The following RPH3AL variants were observed in gnomAD, a reference collection of about 807,000 sequenced individuals.
RPH3AL encodes rab effector Noc2.
Under a neutral mutation model 43.1 loss-of-function variants are expected in RPH3AL, and 38 were observed. The ratio of observed to expected loss-of-function variants is 0.88; its 90% CI spans 0.68 to 1.15. RPH3AL has a LOEUF of 1.15. RPH3AL is among the 50% of genes most tolerant of loss of function. RPH3AL has a pLI of 0.00. For missense variants in RPH3AL, 462 were observed against 423.2 expected, an observed-to-expected ratio of 1.09 and a Z score of -0.81; for synonymous variants, 189 against 176.3, an observed-to-expected ratio of 1.07 and a Z score of -0.57.
chr17:282,286 G>A (rs186085986), intron 5 of RPH3AL, among the ~76,000 whole-genome samples: 39 of 152,326 alleles, frequency 2.6e-4, no homozygotes, highest in South Asian at 8.3e-4. Flanking sequence ...CGTATAACCC[G>A]AAACTGGCCT....
rs751025469 is a variant in RPH3AL at position 215,806 on chromosome 17, T to C, written c.728-4A>G. 1 of 1,298,056 alleles carries C rather than the reference T, an allele frequency of 7.7e-7. No homozygotes were observed. The highest frequency in any genetic ancestry group is 9.8e-7 in the Non-Finnish European group (1 of 1,019,424). 80.4% of individuals were successfully genotyped at this position (1,298,056 alleles called of 1,614,324 possible). A position where few individuals can be genotyped will look rare whatever the true frequency, so the allele number is the denominator to read the frequency against. On this transcript the variant is annotated splice_region_variant and splice_polypyrimidine_tract_variant and intron_variant, in intron 8 of 9. Coordinates refer to ENST00000331302, the MANE Select transcript of RPH3AL (RefSeq NM_006987.4). The surrounding 1 kb of genome is among the most constrained non-coding windows in gnomAD (Gnocchi z 4.1). ...CTGGGGGCCTCCACGCTGCCACCTG[T>C]GGGAAATCACGTGTGGGCCCCGTGG...
chr17:285,553 C>T (rs993652391), intron 5 of RPH3AL, among the ~76,000 whole-genome samples: 3 of 152,172 alleles, frequency 2.0e-5, no homozygotes, highest in African/African-American at 7.2e-5. Context: ...AATACGGTAG[C>T]CACCAGCTGC....
chr17:246,387 T>C lies in RPH3AL; in HGVS notation c.613+724A>G, dbSNP rs141228462. Among the ~76,000 whole-genome samples the C allele has an allele frequency of 1.2e-3, 179 of 152,278 alleles. No homozygotes were observed. Among genetic ancestry groups the C allele is most frequent in the African/African-American group, 3.6e-3 (151 of 41,558 alleles). On this transcript the variant is annotated intron_variant, in intron 7 of 9. Coordinates refer to ENST00000331302, the MANE Select transcript of RPH3AL (RefSeq NM_006987.4). The surrounding 1 kb of genome is among the most constrained non-coding windows in gnomAD (Gnocchi z 4.8). ...CCAGATGCCAGAGAGGGTAAGAGCC[T>C]GCCCTTGGATCCCAGCTCGGCCACA...
chr17:273,799 A>G (rs1298309998), intron 6 of RPH3AL, among the ~76,000 whole-genome samples: 1 of 152,266 alleles, frequency 6.6e-6, no homozygotes, highest in Non-Finnish European at 1.5e-5. Context: ...CTGCCGGGTT[A>G]TAATCAGGAT....
intron 7 of RPH3AL, among the ~76,000 whole-genome samples, chr17:236,868 G>A (rs990769308): frequency 1.3e-5 from 2 of 152,398 alleles, no homozygotes; most frequent in African/African-American, 4.8e-5. Flanking sequence ...GGCGGGGCAT[G>A]CGCTGGGTTT....
At chr17:316,685 T>G in intron 5 of RPH3AL, among the ~76,000 whole-genome samples, 1 of 145,190 alleles carries the variant, frequency 6.9e-6, no homozygotes, top group East Asian at 2.1e-4. Context: ...CTGCAGTCCC[T>G]GTGCCCCACC....
Position 245,229 on chromosome 17 carries a change from G to T in RPH3AL, c.613+1882C>A, listed in dbSNP as rs1252772316. Among the ~76,000 whole-genome samples the T allele has an allele frequency of 1.3e-5, 2 of 151,354 alleles. No individual in the cohort carries two copies. Among genetic ancestry groups the T allele is most frequent in the African/African-American group, 2.4e-5 (1 of 41,200 alleles). ...AGCGTGTGTGTCCATGTGGATGTGT[G>T]TGTGCGTGTGGATGAGAGCATGTGT... On this transcript the variant is annotated intron_variant, in intron 7 of 9. Coordinates refer to ENST00000331302, the MANE Select transcript of RPH3AL (RefSeq NM_006987.4). This position sits in a 1 kb window ranked among gnomAD's most constrained non-coding sequence, Gnocchi z 5.9.
At chr17:247,435 G>C in intron 6 of RPH3AL, 150 bp from the exon 7 acceptor site, 3 of 736,384 alleles carry the variant, frequency 4.1e-6, no homozygotes, top group Non-Finnish European at 6.5e-6. Context: ...CTGATGGGCT[G>C]GGCTGTCAGT....
intron 6 of RPH3AL, among the ~76,000 whole-genome samples, chr17:275,278 C>A (rs2042627545): frequency 6.7e-6 from 1 of 150,302 alleles, no homozygotes; most frequent in African/African-American, 2.4e-5. Flanking sequence ...AAAATGATCA[C>A]CAATGGTAGA....
At chr17:242,652 C>T (rs1330927694) in intron 7 of RPH3AL, among the ~76,000 whole-genome samples, 3 of 141,518 alleles carry the variant, frequency 2.1e-5, no homozygotes, top group African/African-American at 8.0e-5. Flanking sequence ...TACCCTTCCT[C>T]TATTGACTAC....
Position 246,914 on chromosome 17 carries a change from G to A in RPH3AL, c.613+197C>T, listed in dbSNP as rs907576723. On this transcript the variant is annotated intron_variant, in intron 7 of 9. Coordinates refer to ENST00000331302, the MANE Select transcript of RPH3AL (RefSeq NM_006987.4). This position sits in a 1 kb window ranked among gnomAD's most constrained non-coding sequence, Gnocchi z 4.8. The stretch of plus-strand genomic sequence containing the variant: ...CTCCCGCCGCACTCCTGCACAGAGC[G>A]AACAGTCACCTGCTGGAGGTCCCCG... Among the ~76,000 whole-genome samples, 8 of 152,236 alleles carry A rather than the reference G, an allele frequency of 5.3e-5. No individual in the cohort carries two copies. The highest frequency in any genetic ancestry group is 1.9e-4 in the African/African-American group (8 of 41,462).
intron 5 of RPH3AL, among the ~76,000 whole-genome samples, chr17:315,379 G>GC (rs2043957997): frequency 5.9e-5 from 8 of 136,442 alleles, no homozygotes; most frequent in African/African-American, 1.1e-4. Flanking sequence ...TAGTCCCTGT[G>GC]CCCCACCTCC....
chr17:352,638 A>T (rs760144098), intron 1 of RPH3AL, 74 bp downstream of exon 1: 1 of 152,256 alleles, frequency 6.6e-6, no homozygotes, highest in Non-Finnish European at 1.5e-5. Flanking sequence ...CCCTGCATGA[A>T]CTGGGCCCCT....
chr17:213,966 G>A (rs769715385), intron 9 of RPH3AL, 43 bp from the exon 10 acceptor site: 1 of 1,481,676 alleles, frequency 6.7e-7, no homozygotes, highest in South Asian at 1.2e-5. Flanking sequence ...AGCAGCGGTG[G>A]AGTCCCTCCC....
intron 5 of RPH3AL, among the ~76,000 whole-genome samples, chr17:300,084 C>A (rs372104622): frequency 8.9e-4 from 29 of 32,764 alleles, no homozygotes; most frequent in African/African-American, 2.9e-3. Context: ...CCCACTCTAG[C>A]AGGGGCTGGC....
intron 5 of RPH3AL, among the ~76,000 whole-genome samples, chr17:307,445 A>G (rs1443164930): frequency 2.6e-5 from 4 of 151,048 alleles, no homozygotes; most frequent in Admixed American, 2.0e-4. Context: ...TCCTCCCCAC[A>G]GCAGGTCTGC....
Position 319,148 on chromosome 17 carries a change from C to T in RPH3AL, c.351+272G>A, listed in dbSNP as rs535774828. On this transcript the variant is annotated intron_variant, in intron 5 of 9. Coordinates refer to ENST00000331302, the MANE Select transcript of RPH3AL (RefSeq NM_006987.4). Reference sequence around the variant, plus strand: ...GGTCATAGCAGAAGAGCTAGATTCACAGCCTGACTTCTAACACCAGCTCTG... The same window carrying T: ...GGTCATAGCAGAAGAGCTAGATTCATAGCCTGACTTCTAACACCAGCTCTG... Among the ~76,000 whole-genome samples the T allele has an allele frequency of 6.4e-4, 97 of 152,332 alleles. 2 individuals carry two copies. The South Asian group carries it at 0.019, about 31-fold the overall frequency.
chr17:239,832 G>A (rs555195692), intron 7 of RPH3AL, among the ~76,000 whole-genome samples: 82 of 152,282 alleles, frequency 5.4e-4, no homozygotes, highest in African/African-American at 1.8e-3. Context: ...GTCTCGTTAC[G>A]TTGCCCAGGC....
In RPH3AL at chr17:319,535, C is replaced by A; in HGVS notation, c.236G>T (p.Arg79Leu). 1.2e-6 allele frequency: 2 copies of A among 1,611,554 alleles called. No individual in the cohort carries two copies. Among genetic ancestry groups the A allele is most frequent in the Non-Finnish European group, 1.7e-6 (2 of 1,179,946 alleles). ...EQQRIGRLVE[R>L]LETMRRNVMG... ...CACATTCCGCCTCATGGTCTCCAGC[C>A]GCTCCACCAGCCGCCTGCAGCACAG... Residue 79 changes from arginine to leucine, a missense_variant, in exon 5 of 10, where the codon CGG becomes CTG. By Grantham distance (102) the Arg-to-Leu change is moderately radical. Transcript: ENST00000331302.
Sources: allele counts gnomAD v4.1 joint callset (sites outside exome capture counted in the v4.1 genomes callset), GRCh38; gene constraint gnomAD v4.1.1; non-coding constraint Gnocchi (gnomAD v3.1); transcripts MANE v1.5; gene names NCBI Gene and HGNC (gene_info 2026-07-23, HGNC 2026-07-21).